Variants in BMPR1A observed in about 807,000 individuals in gnomAD.
The protein encoded by BMPR1A is bone morphogenetic protein receptor type-1A.
Under a neutral mutation model 66.0 loss-of-function variants are expected in BMPR1A, and 7 were observed. The ratio of observed to expected loss-of-function variants is 0.11; its 90% CI spans 0.06 to 0.20. The LOEUF is 0.20. Ranked by LOEUF, BMPR1A falls within the 10% of genes least tolerant of loss-of-function variation. The pLI, the probability that BMPR1A is intolerant of heterozygous loss-of-function variation, is 1.00. For synonymous variants in BMPR1A, 200 were observed against 229.7 expected (o/e 0.87, Z 1.17); for missense variants, 408 against 669.1 (o/e 0.61, Z 4.31).
At chr10:86,900,899 C>T (rs576550755) in intron 7 of BMPR1A, among the ~76,000 whole-genome samples, 18 of 152,226 alleles carry the variant, frequency 1.2e-4, no homozygotes, top group Non-Finnish European at 1.0e-4. Flanking sequence ...CAAATGGCCC[C>T]CAGTGATTCT....
At chr10:86,788,341 A>G (rs532435087) in intron 1 of BMPR1A, among the ~76,000 whole-genome samples, 3 of 152,276 alleles carry the variant, frequency 2.0e-5, no homozygotes, top group African/African-American at 4.8e-5. Context: ...CTTTTCATCA[A>G]CTTCATGCTG....
At position 86,899,975 on chromosome 10, in the gene BMPR1A, G is replaced by T. The variant is rs372499777; in HGVS notation, c.431-52G>T. 51 of 1,610,472 alleles carry T rather than the reference G, an allele frequency of 3.2e-5. 1 individual carries two copies. The South Asian group carries it at 5.5e-4, about 17-fold the overall frequency. On this transcript the variant is annotated intron_variant, in intron 6 of 12. Coordinates refer to ENST00000372037, the MANE Select transcript of BMPR1A (RefSeq NM_004329.3). ...AACCAGGCTACCTAGAATTGAACAC[G>T]TCAGATTATTTTTTCATTTCAATTG...
At chr10:86,797,068 CT>C (rs780930060) in intron 1 of BMPR1A, among the ~76,000 whole-genome samples, 7,549 of 104,856 alleles carry the variant, frequency 0.072, 229 homozygotes, top group East Asian at 0.15. Context: ...CTTTTCTTTT[CT>C]TTTTTTTTTT....
chr10:86,766,161 A>T (rs1437911696), intron 1 of BMPR1A, among the ~76,000 whole-genome samples: 1 of 151,798 alleles, frequency 6.6e-6, no homozygotes, highest in Non-Finnish European at 1.5e-5. Context: ...TAATTAAAAA[A>T]TTTTTGTGTG....
chr10:86,861,931 G>A (rs1276634285), intron 2 of BMPR1A, among the ~76,000 whole-genome samples: 2 of 152,178 alleles, frequency 1.3e-5, no homozygotes, highest in African/African-American at 4.8e-5. Context: ...AGTCTGGTTT[G>A]TATATAAAAG....
At chr10:86,788,743 G>A (rs1195708265) in intron 1 of BMPR1A, among the ~76,000 whole-genome samples, 2 of 152,030 alleles carry the variant, frequency 1.3e-5, no homozygotes, top group Non-Finnish European at 1.5e-5. Flanking sequence ...GAGTAGCTGG[G>A]ATTACAGGTG....
intron 1 of BMPR1A, among the ~76,000 whole-genome samples, chr10:86,802,046 GT>G (rs2132868833): frequency 6.6e-6 from 1 of 152,172 alleles, no homozygotes; most frequent in East Asian, 1.9e-4. Context: ...GTCCACCACA[GT>G]TTGCATTCCT....
At chr10:86,799,700 C>A (rs765752742) in intron 1 of BMPR1A, among the ~76,000 whole-genome samples, 12 of 152,024 alleles carry the variant, frequency 7.9e-5, no homozygotes, top group Admixed American at 2.0e-4. Context: ...AACAGGCGCA[C>A]ATCGTCACAC....
intron 1 of BMPR1A, among the ~76,000 whole-genome samples, chr10:86,824,945 ATAATCT>A (rs1249128691): frequency 6.6e-6 from 1 of 152,190 alleles, no homozygotes; most frequent in East Asian, 1.9e-4. Flanking sequence ...TATTGTAAAT[ATAATCT>A]TAGAGTATGC....
intron 11 of BMPR1A, 96 bp from the exon 12 acceptor site, chr10:86,923,280 C>A: frequency 6.6e-7 from 1 of 1,521,346 alleles, no homozygotes; most frequent in Non-Finnish European, 9.1e-7. Context: ...TGTAAGAATC[C>A]GTTTTAGTTC....
chr10:86,763,122 C>G (rs1025494033), intron 1 of BMPR1A, among the ~76,000 whole-genome samples: 2 of 151,966 alleles, frequency 1.3e-5, no homozygotes, highest in Non-Finnish European at 2.9e-5. Flanking sequence ...TCTCGAACTC[C>G]TGACCTCGTG....
At chr10:86,763,863 T>C (rs979214523) in intron 1 of BMPR1A, among the ~76,000 whole-genome samples, 2 of 146,826 alleles carry the variant, frequency 1.4e-5, no homozygotes, top group African/African-American at 2.5e-5. Context: ...GCATGTTGGC[T>C]CACTGCAAGC....
chr10:86,892,818 G>A (rs551137779), intron 5 of BMPR1A, among the ~76,000 whole-genome samples: 2 of 147,598 alleles, frequency 1.4e-5, no homozygotes, highest in African/African-American at 2.5e-5. Flanking sequence ...AGCCGAGATC[G>A]TTCCACGGTA....
intron 2 of BMPR1A, among the ~76,000 whole-genome samples, chr10:86,860,791 A>G (rs539391441): frequency 8.6e-5 from 13 of 151,576 alleles, no homozygotes; most frequent in Non-Finnish European, 1.6e-4. Context: ...AAAAGATGCT[A>G]AAAGGAAAGC....
intron 2 of BMPR1A, among the ~76,000 whole-genome samples, chr10:86,861,454 C>T (rs181699389): frequency 5.8e-4 from 88 of 152,296 alleles, no homozygotes; most frequent in African/African-American, 2.0e-3. Context: ...TTAAATTTTA[C>T]GTACACATAC....
chr10:86,794,439 G>C lies in BMPR1A; in HGVS notation c.-268+37520G>C, dbSNP rs187653435. ...TAATAGTTTAGGGTTCTAGATGGGAGGCAAGAGATTTCTACCAATCTTTTT... is the reference window on the plus strand; with the variant it reads ...TAATAGTTTAGGGTTCTAGATGGGACGCAAGAGATTTCTACCAATCTTTTT... On this transcript the variant is annotated intron_variant, in intron 1 of 12. Coordinates refer to ENST00000372037, the MANE Select transcript of BMPR1A (RefSeq NM_004329.3). Among the ~76,000 whole-genome samples the C allele has an allele frequency of 5.0e-3, 758 of 152,234 alleles. 2 individuals are homozygous for C. The highest frequency in any genetic ancestry group is 6.8e-3 in the Middle Eastern group (2 of 294).
chr10:86,924,054 G>T lies in BMPR1A; in HGVS notation c.*335G>T, dbSNP rs1185798745. The T allele has an allele frequency of 3.3e-4, 137 of 415,552 alleles. 4 individuals are homozygous for T. Among genetic ancestry groups the T allele is most frequent in the South Asian group, 3.1e-3 (118 of 38,482 alleles). 25.7% of individuals were successfully genotyped at this position (415,552 alleles called of 1,614,324 possible). The stretch of plus-strand genomic sequence containing the variant: ...GTACTGAATTGCCTGTTCATAAAAC[G>T]GTGCTTTCTGTGAAAGCCTTAAGAA... On this transcript the variant is annotated 3_prime_UTR_variant, in exon 13 of 13. Transcript: ENST00000372037.
rs573985024 is a variant in BMPR1A at position 86,884,977 on chromosome 10, C to T, written c.68-5085C>T. ...CTTCCAAAAGTGTCATAAAATAAGC[C>T]TAATCATTCACATATCCTATCAGAT... On this transcript the variant is annotated intron_variant, in intron 3 of 12. Transcript: ENST00000372037. Among the ~76,000 whole-genome samples, 324 of 152,252 alleles carry T rather than the reference C, an allele frequency of 2.1e-3. 1 individual carries two copies. The highest frequency in any genetic ancestry group is 3.4e-3 in the Non-Finnish European group (233 of 68,028).
At chr10:86,922,459 A>G (rs888346724) in intron 11 of BMPR1A, among the ~76,000 whole-genome samples, 1 of 152,180 alleles carries the variant, frequency 6.6e-6, no homozygotes, top group African/African-American at 2.4e-5. Context: ...TAGATGTCAC[A>G]TACGTCAGAG....
Sources: allele counts gnomAD v4.1 joint callset (sites outside exome capture counted in the v4.1 genomes callset), GRCh38; gene constraint gnomAD v4.1.1; transcripts MANE v1.5; gene names NCBI Gene and HGNC (gene_info 2026-07-23, HGNC 2026-07-21).